The following RPS24 variants were observed in gnomAD, a reference collection of about 807,000 sequenced individuals.
The protein encoded by RPS24 is ribosomal protein S24.
For missense variants in RPS24, 100 were observed against 162.5 expected (o/e 0.62, Z 2.09); for synonymous variants, 72 against 55.6 (o/e 1.30, Z -1.31).
intron 4 of RPS24, among the ~76,000 whole-genome samples, chr10:78,046,925 T>G (rs989372951): frequency 2.6e-5 from 4 of 151,968 alleles, no homozygotes; most frequent in Non-Finnish European, 5.9e-5. Flanking sequence ...AAATTCAATT[T>G]CTTGGGCTCC....
At chr10:78,047,266 A>G (rs1848054879) in intron 4 of RPS24, among the ~76,000 whole-genome samples, 1 of 152,044 alleles carries the variant, frequency 6.6e-6, no homozygotes. Flanking sequence ...GCGTCCAGCC[A>G]GAACCTGTGT....
intron 1 of RPS24, 101 bp downstream of exon 1, chr10:78,034,005 C>A: frequency 1.4e-6 from 2 of 1,457,210 alleles, no homozygotes; most frequent in Non-Finnish European, 9.6e-7. Flanking sequence ...AGCCCGGTTG[C>A]TCTTCTCTGG....
chr10:78,034,911 G>T (rs956910711), intron 1 of RPS24, among the ~76,000 whole-genome samples: 1 of 152,184 alleles, frequency 6.6e-6, no homozygotes, highest in African/African-American at 2.4e-5. Flanking sequence ...TCTCCTAAGG[G>T]AACAGTTGGC....
chr10:78,045,635 C>T (rs1190943822), downstream of RPS24, among the ~76,000 whole-genome samples: 1 of 151,902 alleles, frequency 6.6e-6, no homozygotes, highest in Non-Finnish European at 1.5e-5. Context: ...GCGCCTGCCA[C>T]CATGCTTGGG....
chr10:78,052,581 G>T (rs1848109823), intron 4 of RPS24, among the ~76,000 whole-genome samples: 1 of 152,262 alleles, frequency 6.6e-6, no homozygotes, highest in East Asian at 1.9e-4. Flanking sequence ...TGGAGCGAAG[G>T]CACGGCAGGT....
At chr10:78,034,725 G>GT (rs1847823025) in intron 1 of RPS24, among the ~76,000 whole-genome samples, 1 of 152,304 alleles carries the variant, frequency 6.6e-6, no homozygotes, top group South Asian at 2.1e-4. Flanking sequence ...AGGGAATATC[G>GT]TTTTCTCTGA....
rs763876559 is a variant in RPS24, at chr10:78,035,717, A to T, written c.276A>T (p.Ala92=). ...AKKNEPKHRL[A]RHGLYEKKKT... ...AAAATGAACCCAAACATAGACTTGCAAGAGTAGGTGTCTTTTCATTTGTTG... is the reference window on the plus strand; with the variant it reads ...AAAATGAACCCAAACATAGACTTGCTAGAGTAGGTGTCTTTTCATTTGTTG... Residue 92 remains alanine, a synonymous_variant, in exon 3 of 6, where the codon GCA becomes GCT. Transcript: ENST00000372360. 1.0e-4 allele frequency: 166 copies of T among 1,598,526 alleles called. No homozygotes were observed. The highest frequency in any genetic ancestry group is 1.4e-4 in the Non-Finnish European group (161 of 1,178,888).
intron 1 of RPS24, among the ~76,000 whole-genome samples, chr10:78,034,666 C>T (rs1201814398): frequency 1.3e-5 from 2 of 152,142 alleles, no homozygotes; most frequent in East Asian, 3.9e-4. Flanking sequence ...TGCTTAATGC[C>T]CACATTTTTT....
At position 78,037,932 on chromosome 10, in the gene RPS24, CCT is replaced by C. The variant is rs147388032; in HGVS notation, c.390+633_390+634del. On this transcript the variant is annotated intron_variant, in intron 4 of 5. Coordinates refer to ENST00000372360, the MANE Select transcript of RPS24 (RefSeq NM_033022.4). ...TTTTTTTTTTTTTTTTTTTGCTTTT[CCT>C]CTCTACTTTCTTGGATTTCTTGTTC... 0.16 allele frequency: 39,548 copies of C among 245,054 alleles called. 1,802 individuals are homozygous for C. Among genetic ancestry groups the C allele is most frequent in the Non-Finnish European group, 0.19 (31,588 of 168,950 alleles). 15.2% of individuals were successfully genotyped at this position (245,054 alleles called of 1,614,324 possible). A position where few individuals can be genotyped will look rare whatever the true frequency, so the allele number is the denominator to read the frequency against.
chr10:78,038,099 A>G (rs1847915772), intron 4 of RPS24: 1 of 530,408 alleles, frequency 1.9e-6, no homozygotes, highest in Non-Finnish European at 3.1e-6. Flanking sequence ...TTATAATGCC[A>G]GTGCTATTTA....
chr10:78,042,498 C>T (rs985350646), downstream of RPS24, among the ~76,000 whole-genome samples: 12 of 152,220 alleles, frequency 7.9e-5, no homozygotes, highest in African/African-American at 2.7e-4. Context: ...TGTCAGGAAG[C>T]AGGGACTTGT....
chr10:78,035,395 G>A lies in RPS24; in HGVS notation c.47G>A (p.Arg16Gln), dbSNP rs199524789. The A allele has an allele frequency of 6.2e-6, 10 of 1,614,138 alleles. No homozygotes were observed. The highest frequency in any genetic ancestry group is 2.2e-5 in the South Asian group (2 of 91,074). ...TIRTRKFMTN[R>Q]LLQRKQMVID... ...CGCACTAGAAAGTTCATGACCAACC[G>A]ACTACTTCAGAGGAAACAAATGGTA... Residue 16 changes from arginine to glutamine, a missense_variant, in exon 2 of 6, where the codon CGA becomes CAA. Physicochemically the swap from Arg to Gln is conservative, Grantham distance 43. Transcript: ENST00000372360.
chr10:78,040,051 T>C (rs1847959567), intron 4 of RPS24, 153 bp from the exon 5 acceptor site: 1 of 735,412 alleles, frequency 1.4e-6, no homozygotes, highest in South Asian at 1.5e-5. Context: ...GAAGGAGTGC[T>C]CTGTATACAA....
intron 4 of RPS24, among the ~76,000 whole-genome samples, chr10:78,050,654 A>G (rs2131993016): frequency 6.6e-6 from 1 of 152,340 alleles, no homozygotes; most frequent in South Asian, 2.1e-4. Context: ...TCTGTCACCC[A>G]GCCTGGAGTG....
Position 78,035,376 on chromosome 10 carries a change from A to G in RPS24, c.28A>G (p.Arg10Gly). ...GAACGACACCGTAACTATCCGCACTAGAAAGTTCATGACCAACCGACTACT... is the reference window on the plus strand; with the variant it reads ...GAACGACACCGTAACTATCCGCACTGGAAAGTTCATGACCAACCGACTACT... MNDTVTIRTRKFMTNRLLQR... is the reference protein window; with the variant it reads MNDTVTIRTGKFMTNRLLQR... The change falls in exon 2 of 6, where the codon AGA becomes GGA. Residue 10 changes from arginine (R) to glycine (G), a missense_variant. Transcript: ENST00000372360. 6.2e-7 allele frequency: 1 copy of G among 1,614,220 alleles called. No homozygotes were observed. The highest frequency in any genetic ancestry group is 1.1e-5 in the South Asian group (1 of 91,086).
chr10:78,055,084 C>T, exon 5 of RPS24: 3 of 1,446,272 alleles, frequency 2.1e-6, no homozygotes, highest in Non-Finnish European at 2.7e-6. Flanking sequence ...ACTCAGCAGC[C>T]AGCAGGGCAC....
At chr10:78,047,042 C>T (rs1848050625) in intron 4 of RPS24, among the ~76,000 whole-genome samples, 1 of 151,736 alleles carries the variant, frequency 6.6e-6, no homozygotes, top group Admixed American at 6.6e-5. Context: ...TTCACTGCAA[C>T]CTCCGCCTCC....
At chr10:78,037,586 CAAG>C (rs971948120) in intron 4 of RPS24, 5 of 411,966 alleles carry the variant, frequency 1.2e-5, no homozygotes, top group African/African-American at 8.1e-5. Flanking sequence ...AAGCCTATCA[CAAG>C]AAGTTTTAAT....
intron 4 of RPS24, chr10:78,039,834 G>T (rs1414367143): frequency 6.3e-6 from 2 of 319,476 alleles, no homozygotes; most frequent in East Asian, 7.4e-5. Flanking sequence ...ACTGTTCCTG[G>T]TGTGTGTCCA....
Sources: allele counts gnomAD v4.1 joint callset (sites outside exome capture counted in the v4.1 genomes callset), GRCh38; gene constraint gnomAD v4.1.1; transcripts MANE v1.5; gene names NCBI Gene and HGNC (gene_info 2026-07-23, HGNC 2026-07-21).